The following SLC4A4 variants were observed in gnomAD, a reference collection of about 807,000 sequenced individuals.
The protein encoded by SLC4A4 is electrogenic sodium bicarbonate cotransporter 1.
Under a neutral mutation model 111.5 loss-of-function variants are expected in SLC4A4, and 27 were observed. That is an observed-to-expected ratio of 0.24 (90% CI 0.18 to 0.33). The LOEUF (loss-of-function observed/expected upper bound fraction) is 0.33. Ranked by LOEUF, SLC4A4 falls within the 10% of genes least tolerant of loss-of-function variation. The pLI is 1.00. For missense variants in SLC4A4, 909 were observed against 1,315.5 expected, an observed-to-expected ratio of 0.69 and a Z score of 4.78; for synonymous variants, 443 against 463.4, an observed-to-expected ratio of 0.96 and a Z score of 0.57.
chr4:71,270,940 C>T (rs1722662687), intron 3 of SLC4A4, among the ~76,000 whole-genome samples: 2 of 152,168 alleles, frequency 1.3e-5, no homozygotes, highest in South Asian at 4.1e-4. Context: ...ATTTGGATTG[C>T]CCCTTGAAGT....
Position 71,516,936 on chromosome 4 carries a change from T to C in SLC4A4, c.2167-15126T>C, listed in dbSNP as rs546467510. ...ATATATCATCCCAGTCTCTCCTGGA[T>C]TGTAAAGCTTTTGGTGCAAAATACA... On this transcript the variant is annotated intron_variant, in intron 16 of 25. Coordinates refer to ENST00000264485, the MANE Select transcript of SLC4A4 (RefSeq NM_001098484.3). Among the ~76,000 whole-genome samples, 3 of 152,312 alleles carry C rather than the reference T, an allele frequency of 2.0e-5. No homozygotes were observed. In the East Asian group the frequency reaches 5.8e-4, roughly 29 times the overall value.
intron 23 of SLC4A4, among the ~76,000 whole-genome samples, chr4:71,561,267 C>A (rs1360650137): frequency 6.6e-6 from 1 of 151,750 alleles, no homozygotes; most frequent in East Asian, 1.9e-4. Flanking sequence ...TCCCATTTTA[C>A]AGATGAGGAG....
intron 3 of SLC4A4, among the ~76,000 whole-genome samples, chr4:71,334,912 TA>T (rs1728312439): frequency 6.6e-6 from 1 of 152,214 alleles, no homozygotes; most frequent in African/African-American, 2.4e-5. Flanking sequence ...GAGACCAATT[TA>T]TTTTTTTCTG....
chr4:71,443,611 T>G (rs925936195), intron 8 of SLC4A4, among the ~76,000 whole-genome samples: 2 of 152,134 alleles, frequency 1.3e-5, no homozygotes, highest in African/African-American at 2.4e-5. Flanking sequence ...CCTAGGGAGA[T>G]TCTAGAAAAG....
chr4:71,420,199 C>T (rs1722301599), intron 7 of SLC4A4, among the ~76,000 whole-genome samples: 1 of 152,148 alleles, frequency 6.6e-6, no homozygotes, highest in African/African-American at 2.4e-5. Flanking sequence ...GCAGAAGCCT[C>T]AGGAGCCAAT....
At chr4:71,353,707 A>G (rs1484758948) in intron 5 of SLC4A4, among the ~76,000 whole-genome samples, 1 of 152,184 alleles carries the variant, frequency 6.6e-6, no homozygotes, top group Non-Finnish European at 1.5e-5. Context: ...CTTAAGATGC[A>G]TCTCCCCCCG....
intron 20 of SLC4A4, among the ~76,000 whole-genome samples, chr4:71,549,485 G>T (rs571196908): frequency 6.6e-6 from 1 of 151,938 alleles, no homozygotes; most frequent in Non-Finnish European, 1.5e-5. Flanking sequence ...AGCTCTCTTT[G>T]TGCTCAGTCA....
At chr4:71,511,865 CTA>C (rs1333476803) in intron 16 of SLC4A4, among the ~76,000 whole-genome samples, 1 of 152,132 alleles carries the variant, frequency 6.6e-6, no homozygotes, top group African/African-American at 2.4e-5. Context: ...ATAACATGCA[CTA>C]TATGTCTTTC....
At chr4:71,182,822 T>G (rs1046776063), upstream of SLC4A4, among the ~76,000 whole-genome samples, 3 of 152,098 alleles carry the variant, frequency 2.0e-5, no homozygotes, top group Non-Finnish European at 4.4e-5. Flanking sequence ...TCTACCACCG[T>G]ACCTAAAACC....
chr4:71,189,907 A>G (rs951425973), intron 1 of SLC4A4, among the ~76,000 whole-genome samples: 2 of 152,228 alleles, frequency 1.3e-5, no homozygotes, highest in African/African-American at 4.8e-5. Context: ...AATGATGATT[A>G]ACATTTCTAA....
intron 2 of SLC4A4, among the ~76,000 whole-genome samples, chr4:71,155,391 T>C (rs1744430204): frequency 6.6e-6 from 1 of 152,176 alleles, no homozygotes; most frequent in Non-Finnish European, 1.5e-5. Flanking sequence ...AGTGGTCTCA[T>C]CTTTAAGATA....
At chr4:71,469,323 C>T (rs1422460361) in intron 13 of SLC4A4, among the ~76,000 whole-genome samples, 1 of 151,840 alleles carries the variant, frequency 6.6e-6, no homozygotes, top group Non-Finnish European at 1.5e-5. Context: ...AAACAGTTTA[C>T]TTTTAAGCCT....
intron 7 of SLC4A4, chr4:71,434,675 C>G (rs1441061796): frequency 6.6e-6 from 1 of 152,112 alleles, no homozygotes. Flanking sequence ...AAAACTCCAT[C>G]ATCTCAGGCC....
intron 15 of SLC4A4, among the ~76,000 whole-genome samples, chr4:71,496,779 G>A (rs1167428734): frequency 6.6e-6 from 1 of 151,990 alleles, no homozygotes; most frequent in Admixed American, 6.6e-5. Context: ...CATGAAAACT[G>A]ACCATATGTT....
rs184879448 is a variant in SLC4A4, at chr4:71,439,382, C to T, written c.808-1234C>T. Among the ~76,000 whole-genome samples, 341 of 140,158 alleles carry T rather than the reference C, an allele frequency of 2.4e-3. 1 individual carries two copies. The highest frequency in any genetic ancestry group is 7.9e-3 in the African/African-American group (293 of 37,144). The allele number at this position is 140,158 out of a possible 152,430, so 91.9% of individuals were successfully genotyped here. ...GGCAAAGGTTGCAGTGAGCCGAGATCGCGCCACTGCACCACTGCACTTCAA... is the reference window on the plus strand; with the variant it reads ...GGCAAAGGTTGCAGTGAGCCGAGATTGCGCCACTGCACCACTGCACTTCAA... On this transcript the variant is annotated intron_variant, in intron 7 of 25. Coordinates refer to ENST00000264485, the MANE Select transcript of SLC4A4 (RefSeq NM_001098484.3).
chr4:71,344,703 C>G (rs890603823), intron 4 of SLC4A4, among the ~76,000 whole-genome samples: 1 of 152,122 alleles, frequency 6.6e-6, no homozygotes, highest in African/African-American at 2.4e-5. Context: ...AAGACCTATA[C>G]TTTTCAGTTG....
chr4:71,403,008 AG>A, intron 7 of SLC4A4, among the ~76,000 whole-genome samples: 1 of 152,346 alleles, frequency 6.6e-6, no homozygotes, highest in East Asian at 1.9e-4. Flanking sequence ...GATTTAAAGA[AG>A]GTATGTATTT....
At chr4:71,278,357 C>A (rs1578738497) in intron 3 of SLC4A4, among the ~76,000 whole-genome samples, 1 of 152,104 alleles carries the variant, frequency 6.6e-6, no homozygotes, top group Non-Finnish European at 1.5e-5. Context: ...ACACTTTGGT[C>A]ATTTCGTGTC....
At chr4:71,466,616 T>TAAATTGCAAATTAG (rs1553917285) in intron 13 of SLC4A4, 39 bp downstream of exon 13, 129 of 1,590,038 alleles carry the variant, frequency 8.1e-5, no homozygotes, top group Non-Finnish European at 9.5e-5. Flanking sequence ...TAGAATTGCT[T>TAAATTGCAAATTAG]AATTGTAGAA....
Sources: gnomAD v4.1 joint callset for allele counts (sites outside exome capture counted in the v4.1 genomes callset) on GRCh38, gnomAD v4.1.1 for gene constraint, MANE v1.5 for transcripts, NCBI Gene and HGNC (gene_info 2026-07-23, HGNC 2026-07-21) for gene names.